GPM6A: variants seen among roughly 807,000 people sequenced by gnomAD.
The protein encoded by GPM6A is neuronal membrane glycoprotein M6-a.
A neutral mutation model predicts 32.1 loss-of-function variants in GPM6A; 7 were observed. That is an observed-to-expected ratio of 0.22 (90% confidence interval 0.12 to 0.41). GPM6A has a LOEUF of 0.41. GPM6A is among the 10% of genes least tolerant of loss of function. The pLI is 1.00. For synonymous variants in GPM6A, 130 were observed against 123.4 expected (o/e 1.05, Z -0.35); for missense variants, 235 against 347.2 (o/e 0.68, Z 2.57).
chr4:175,674,044 G>C (rs1579369948), intron 2 of GPM6A, among the ~76,000 whole-genome samples: 1 of 152,266 alleles, frequency 6.6e-6, no homozygotes, highest in East Asian at 1.9e-4. Flanking sequence ...TTGTTGACAA[G>C]AGATTTAAGG....
chr4:175,908,886 G>T (rs141186296), intron 1 of GPM6A, among the ~76,000 whole-genome samples: 2 of 151,980 alleles, frequency 1.3e-5, no homozygotes, highest in African/African-American at 4.8e-5. Flanking sequence ...ACTAGAAAAT[G>T]AGAGTGAGCT....
chr4:175,879,780 A>G (rs1389770002), intron 1 of GPM6A, among the ~76,000 whole-genome samples: 1 of 152,166 alleles, frequency 6.6e-6, no homozygotes, highest in Admixed American at 6.5e-5. Flanking sequence ...TTTTTTCTAA[A>G]TATTTTAGTA....
intron 1 of GPM6A, among the ~76,000 whole-genome samples, chr4:175,703,159 C>G (rs1261556686): frequency 1.3e-5 from 2 of 151,958 alleles, no homozygotes; most frequent in Admixed American, 1.3e-4. Context: ...TTAGATGTAA[C>G]CTAACTATTA....
At chr4:175,719,424 C>A (rs192326963) in intron 1 of GPM6A, among the ~76,000 whole-genome samples, 118 of 151,986 alleles carry the variant, frequency 7.8e-4, no homozygotes, top group Admixed American at 7.0e-3. Context: ...GGTCTTGATC[C>A]CTTGACCTCA....
intron 1 of GPM6A, among the ~76,000 whole-genome samples, chr4:175,702,415 A>G (rs1477479020): frequency 6.6e-6 from 1 of 152,202 alleles, no homozygotes; most frequent in African/African-American, 2.4e-5. Context: ...GAATACTAGA[A>G]CTTATTCTTT....
At chr4:175,865,306 CATT>C (rs1334510573) in intron 1 of GPM6A, among the ~76,000 whole-genome samples, 1 of 152,184 alleles carries the variant, frequency 6.6e-6, no homozygotes, top group Non-Finnish European at 1.5e-5. Context: ...TGTATTCTAA[CATT>C]ATGGCAATAC....
chr4:175,647,141 G>A lies in GPM6A; in HGVS notation c.541+4693C>T, dbSNP rs142309085. On this transcript the variant is annotated intron_variant, in intron 4 of 6. Coordinates refer to ENST00000393658, the MANE Select transcript of GPM6A (RefSeq NM_201591.3). The stretch of plus-strand genomic sequence containing the variant: ...AAACAAGCTGCTCTCGCTAACATGC[G>A]TGGGTGTGCTGAATAAGAGGTAGGA... Among the ~76,000 whole-genome samples the A allele has an allele frequency of 9.5e-3, 1,452 of 152,324 alleles. 25 individuals carry two copies. Among genetic ancestry groups the A allele is most frequent in the African/African-American group, 0.033 (1,383 of 41,576 alleles).
chr4:175,880,531 C>A (rs977594670), intron 1 of GPM6A, among the ~76,000 whole-genome samples: 4 of 152,114 alleles, frequency 2.6e-5, no homozygotes, highest in African/African-American at 9.7e-5. Flanking sequence ...ATAGAATGTT[C>A]TTCCATTTGT....
chr4:175,820,577 T>G (rs1324936445), intron 1 of GPM6A, among the ~76,000 whole-genome samples: 1 of 143,194 alleles, frequency 7.0e-6, no homozygotes, highest in East Asian at 2.1e-4. Flanking sequence ...CTCTGCTCAC[T>G]GCAACCTCCC....
intron 1 of GPM6A, among the ~76,000 whole-genome samples, chr4:175,747,285 A>ATT (rs1732147098): frequency 1.3e-5 from 2 of 151,784 alleles, no homozygotes; most frequent in African/African-American, 2.4e-5. Flanking sequence ...AAAAAAAAAA[A>ATT]AAAAAAGAAG....
At chr4:175,742,394 T>C (rs1731922454) in intron 1 of GPM6A, among the ~76,000 whole-genome samples, 1 of 152,166 alleles carries the variant, frequency 6.6e-6, no homozygotes, top group South Asian at 2.1e-4. Context: ...AAGACTGAGA[T>C]GCCACATACA....
At chr4:175,740,144 A>G (rs1368419324) in intron 1 of GPM6A, among the ~76,000 whole-genome samples, 1 of 152,042 alleles carries the variant, frequency 6.6e-6, no homozygotes, top group African/African-American at 2.4e-5. Context: ...TATTTGTCTC[A>G]CTTGATTTAA....
intron 1 of GPM6A, chr4:175,971,959 T>G (rs978243458): frequency 6.6e-6 from 1 of 152,210 alleles, no homozygotes; most frequent in Non-Finnish European, 1.5e-5. Context: ...GCTGTCTTAC[T>G]GCTGGGGCAT....
At chr4:175,750,203 C>T (rs557581379) in intron 1 of GPM6A, among the ~76,000 whole-genome samples, 4 of 152,146 alleles carry the variant, frequency 2.6e-5, no homozygotes, top group East Asian at 1.9e-4. Context: ...GGATTACAGG[C>T]GCATGCCACC....
intron 1 of GPM6A, among the ~76,000 whole-genome samples, chr4:175,950,280 G>C (rs888040136): frequency 2.0e-5 from 3 of 152,026 alleles, no homozygotes; most frequent in Non-Finnish European, 1.5e-5. Context: ...GTCTCAATGA[G>C]ACATAATAGA....
chr4:175,943,264 G>A (rs537203763), intron 1 of GPM6A, among the ~76,000 whole-genome samples: 2 of 152,270 alleles, frequency 1.3e-5, no homozygotes, highest in East Asian at 3.9e-4. Flanking sequence ...TTGCTTATCA[G>A]CTTAAGGAGA....
chr4:175,901,096 G>A (rs1236764707), intron 1 of GPM6A, among the ~76,000 whole-genome samples: 1 of 151,666 alleles, frequency 6.6e-6, no homozygotes, highest in Middle Eastern at 3.4e-3. Context: ...CATGGACATA[G>A]AGAGTGGAGA....
At chr4:175,637,619 TATATATTA>T (rs1740812895) in intron 6 of GPM6A, among the ~76,000 whole-genome samples, 1 of 578 alleles carries the variant, frequency 1.7e-3, no homozygotes, top group Admixed American at 0.042. Context: ...TAATATATAA[TATATATTA>T]TATATATATT....
intron 1 of GPM6A, among the ~76,000 whole-genome samples, chr4:175,746,394 A>G (rs1732105173): frequency 6.6e-6 from 1 of 152,204 alleles, no homozygotes; most frequent in African/African-American, 2.4e-5. Flanking sequence ...TTGCCAATAC[A>G]TTAACCTGTA....
Sources: gnomAD v4.1 joint callset for allele counts (sites outside exome capture counted in the v4.1 genomes callset) on GRCh38, gnomAD v4.1.1 for gene constraint, MANE v1.5 for transcripts, NCBI Gene and HGNC (gene_info 2026-07-23, HGNC 2026-07-21) for gene names.